SLC9A3: variants seen among roughly 807,000 people sequenced by gnomAD.
SLC9A3 encodes the protein sodium/hydrogen exchanger 3.
In SLC9A3, 37 loss-of-function variants were observed where a neutral mutation model predicts 86.8. The ratio of observed to expected loss-of-function variants is 0.43; its 90% CI spans 0.33 to 0.56. SLC9A3 has a LOEUF of 0.56. Among genes scored for constraint, SLC9A3 ranks in the 20% least tolerant of loss-of-function variants. SLC9A3 has a pLI of 0.06. For synonymous variants in SLC9A3, 581 were observed against 528.3 expected (o/e 1.10, Z -1.37); for missense variants, 1,011 against 1,171.9 (o/e 0.86, Z 2.00).
intron 6 of SLC9A3, among the ~76,000 whole-genome samples, chr5:482,978 A>C (rs1739288121): frequency 6.7e-6 from 1 of 149,632 alleles, no homozygotes; most frequent in Admixed American, 6.6e-5. Context: ...GTGCTGGGGG[A>C]TGGGGCTGGG....
At chr5:521,549 T>C (rs547182159) in intron 1 of SLC9A3, among the ~76,000 whole-genome samples, 21 of 152,354 alleles carry the variant, frequency 1.4e-4, no homozygotes, top group African/African-American at 5.1e-4. Flanking sequence ...TGGCAGCTCT[T>C]TTCTGCTGGA....
rs747409325 is a variant in SLC9A3, at chr5:484,639, C to A, written c.813G>T (p.Leu271=). The part of the protein sequence containing the change: ...GTLVGVVFAF[L]LSLVTRFTKH... ...TGGTGAAGCGCGTCACCAGCGACAG[C>A]AGGAAGGCGAAGACCACCCCCACCA... The change falls in exon 5 of 17, where the codon CTG becomes CTT. Residue 271 remains leucine, a synonymous_variant. Coordinates refer to ENST00000264938, the MANE Select transcript of SLC9A3 (RefSeq NM_004174.4). 15 of 1,613,226 alleles carry A rather than the reference C, an allele frequency of 9.3e-6. 1 individual carries two copies. The highest frequency in any genetic ancestry group is 1.6e-4 in the Middle Eastern group (1 of 6,062).
chr5:502,840 G>A (rs1372971561), intron 1 of SLC9A3, among the ~76,000 whole-genome samples: 17 of 150,668 alleles, frequency 1.1e-4, no homozygotes, highest in African/African-American at 1.5e-4. Context: ...GAAAGCCGCC[G>A]TAATGACACA....
Position 488,556 on chromosome 5 carries a change from G to A in SLC9A3, c.515-80C>T, listed in dbSNP as rs537254293. Reference sequence around the variant, plus strand: ...GGGCCCTGGGGAGGCGCTCGCCTACGGGTCGGGGTTCGGAGCCCGTCTGGC... The same window carrying A: ...GGGCCCTGGGGAGGCGCTCGCCTACAGGTCGGGGTTCGGAGCCCGTCTGGC... On this transcript the variant is annotated intron_variant, in intron 2 of 16. Coordinates refer to ENST00000264938, the MANE Select transcript of SLC9A3 (RefSeq NM_004174.4). 3,489 of 1,392,836 alleles carry A rather than the reference G, an allele frequency of 2.5e-3. 4 individuals are homozygous for A. The highest frequency in any genetic ancestry group is 3.0e-3 in the Non-Finnish European group (3,161 of 1,050,372). The allele number at this position is 1,392,836 out of a possible 1,614,324, so 86.3% of individuals were successfully genotyped here. A position where few individuals can be genotyped will look rare whatever the true frequency, so the allele number is the denominator to read the frequency against.
chr5:475,651 C>G lies in SLC9A3; in HGVS notation c.2161G>C (p.Glu721Gln), dbSNP rs1274670882. The G allele has an allele frequency of 1.9e-6, 3 of 1,551,032 alleles. No individual in the cohort carries two copies. Among genetic ancestry groups the G allele is most frequent in the Non-Finnish European group, 2.6e-6 (3 of 1,146,182 alleles). The change falls in exon 15 of 17, where the codon GAG (glutamate) becomes CAG (glutamine). Residue 721 changes from glutamate (E) to glutamine (Q), a missense_variant. Transcript: ENST00000264938. ...TCCTCATCATAGTTGGGGGGCTCCTCGGTGTCTGAAAGTTCCAAGTCTGGG... is the reference window on the plus strand; with the variant it reads ...TCCTCATCATAGTTGGGGGGCTCCTGGGTGTCTGAAAGTTCCAAGTCTGGG... The part of the protein sequence containing the change: ...KEKDLELSDT[E>Q]EPPNYDEEMS...
chr5:507,147 A>G (rs1740621981), intron 1 of SLC9A3, among the ~76,000 whole-genome samples: 4 of 120,388 alleles, frequency 3.3e-5, no homozygotes, highest in East Asian at 2.3e-4. Flanking sequence ...GGTAAGAAGG[A>G]GGGATCCGGC....
intron 10 of SLC9A3, chr5:479,424 C>T: frequency 9.9e-6 from 2 of 201,202 alleles, no homozygotes; most frequent in South Asian, 7.0e-5. Flanking sequence ...GGCCGGCCCA[C>T]AGCGGGAGAC....
At chr5:514,229 G>C (rs1579824795) in intron 1 of SLC9A3, among the ~76,000 whole-genome samples, 1 of 152,226 alleles carries the variant, frequency 6.6e-6, no homozygotes, top group Non-Finnish European at 1.5e-5. Context: ...CGAGCCCTCG[G>C]GGAGGCGTGC....
At chr5:520,706 C>T (rs1733859987) in intron 1 of SLC9A3, among the ~76,000 whole-genome samples, 1 of 152,088 alleles carries the variant, frequency 6.6e-6, no homozygotes, top group African/African-American at 2.4e-5. Flanking sequence ...TCCCCAGGGA[C>T]CCACCCTAGG....
At chr5:505,037 G>C (rs1389871484) in intron 1 of SLC9A3, among the ~76,000 whole-genome samples, 1 of 151,884 alleles carries the variant, frequency 6.6e-6, no homozygotes, top group African/African-American at 2.4e-5. Context: ...ATGGGAAAAG[G>C]CCTCAGAACA....
At chr5:490,786 C>T (rs548027631) in intron 2 of SLC9A3, among the ~76,000 whole-genome samples, 1 of 152,338 alleles carries the variant, frequency 6.6e-6, no homozygotes, top group African/African-American at 2.4e-5. Flanking sequence ...GCATCGCCCA[C>T]GTGACGGGCC....
rs1456026556 is a variant in SLC9A3, at chr5:472,749, G to A, written c.*630C>T. 1.7e-6 allele frequency: 1 copy of A among 581,992 alleles called. No individual in the cohort carries two copies. Among genetic ancestry groups the A allele is most frequent in the East Asian group, 3.8e-5 (1 of 26,640 alleles). 36.1% of individuals were successfully genotyped at this position (581,992 alleles called of 1,614,324 possible). ...CAGGCCGCTTGCGGGCGCTGGGCCT[G>A]CAGCCGCTGCAGGTCGGGCCCTGAG... On this transcript the variant is annotated 3_prime_UTR_variant, in exon 17 of 17. Coordinates refer to ENST00000264938, the MANE Select transcript of SLC9A3 (RefSeq NM_004174.4).
chr5:479,761 A>G lies in SLC9A3; in HGVS notation c.1647+75T>C, dbSNP rs1250949503. ...GACGCGGGTGCAGGGGCCTCTCCTC[A>G]CTGCCCCATGGCACCCACAGCCAGT... On this transcript the variant is annotated intron_variant, in intron 10 of 16. Coordinates refer to ENST00000264938, the MANE Select transcript of SLC9A3 (RefSeq NM_004174.4). 3.6e-6 allele frequency: 5 copies of G among 1,405,752 alleles called. No individual in the cohort carries two copies. In the South Asian group the frequency reaches 5.8e-5, roughly 16 times the overall value. 87.1% of individuals were successfully genotyped at this position (1,405,752 alleles called of 1,614,324 possible). A position where few individuals can be genotyped will look rare whatever the true frequency, so the allele number is the denominator to read the frequency against.
At position 484,513 on chromosome 5, in the gene SLC9A3, G is replaced by T. The variant is rs752971034; in HGVS notation, c.932+7C>A. The T allele has an allele frequency of 1.2e-6, 2 of 1,612,038 alleles. No homozygotes were observed. The highest frequency in any genetic ancestry group is 1.1e-5 in the South Asian group (1 of 91,048). The stretch of plus-strand genomic sequence containing the variant: ...TGGAGAAGCTCGCGTGTGTGGGAGG[G>T]ACTCACGCGAGGATGGCCGACAGCG... On this transcript the variant is annotated splice_region_variant and intron_variant, in intron 5 of 16. Transcript: ENST00000264938.
intron 3 of SLC9A3, among the ~76,000 whole-genome samples, chr5:486,316 C>T (rs1319691586): frequency 1.3e-5 from 2 of 152,252 alleles, no homozygotes; most frequent in African/African-American, 4.8e-5. Flanking sequence ...ACTGACGGTT[C>T]CTAGGAGGGC....
chr5:481,442 C>T (rs1422394978), intron 9 of SLC9A3, 123 bp downstream of exon 9: 19 of 856,740 alleles, frequency 2.2e-5, no homozygotes, highest in East Asian at 4.9e-5. Context: ...CATGGGGCAC[C>T]GGAGCCCTGA....
At chr5:486,749 G>A (rs1489449800) in intron 3 of SLC9A3, among the ~76,000 whole-genome samples, 1 of 152,234 alleles carries the variant, frequency 6.6e-6, no homozygotes, top group Admixed American at 6.5e-5. Flanking sequence ...GTCCCTGTGA[G>A]AGGAGGCGAC....
At chr5:483,507 A>T (rs1468547673) in intron 5 of SLC9A3, 25 bp from the exon 6 acceptor site, 3 of 1,528,294 alleles carry the variant, frequency 2.0e-6, no homozygotes, top group Non-Finnish European at 1.8e-6. Context: ...GCGCCTCAGG[A>T]CACGGCCACC....
At chr5:475,929 G>T in intron 14 of SLC9A3, 91 bp downstream of exon 14, 1 of 1,155,850 alleles carries the variant, frequency 8.7e-7, no homozygotes, top group Non-Finnish European at 1.2e-6. Flanking sequence ...AGAGGGGAAG[G>T]TCCTGAGAGG....
Sources: gnomAD v4.1 joint callset for allele counts (sites outside exome capture counted in the v4.1 genomes callset) on GRCh38, gnomAD v4.1.1 for gene constraint, MANE v1.5 for transcripts, NCBI Gene and HGNC (gene_info 2026-07-23, HGNC 2026-07-21) for gene names.